EIF3H: variants seen among roughly 807,000 people sequenced by gnomAD.
The protein encoded by EIF3H is eukaryotic translation initiation factor 3 subunit H, also known as eIF-3-gamma.
EIF3H carries 26 observed loss-of-function variants against 44.2 expected under a neutral mutation model. That is an observed-to-expected ratio of 0.59 (90% CI 0.43 to 0.82). The LOEUF (loss-of-function observed/expected upper bound fraction) is 0.82. EIF3H is among the 40% of genes least tolerant of loss of function. The pLI is 0.00. For synonymous variants in EIF3H, 166 were observed against 151.9 expected, an observed-to-expected ratio of 1.09 and a Z score of -0.68; for missense variants, 359 against 432.8, an observed-to-expected ratio of 0.83 and a Z score of 1.51.
intron 2 of EIF3H, among the ~76,000 whole-genome samples, chr8:116,674,067 C>CAAAAAAAAAAAAAA (rs59899280): frequency 2.0e-5 from 1 of 49,660 alleles, no homozygotes; most frequent in African/African-American, 9.2e-5. Context: ...AAGACTGTCT[C>CAAAAAAAAAAAAAA]AAAAAAAAAA....
chr8:116,753,290 G>A (rs1247113486), intron 1 of EIF3H, among the ~76,000 whole-genome samples: 1 of 152,150 alleles, frequency 6.6e-6, no homozygotes, highest in African/African-American at 2.4e-5. Flanking sequence ...CCGTGAATAA[G>A]AGATAATTCA....
At chr8:116,709,872 T>G (rs572850640) in intron 2 of EIF3H, among the ~76,000 whole-genome samples, 45 of 152,208 alleles carry the variant, frequency 3.0e-4, no homozygotes, top group Non-Finnish European at 5.4e-4. Context: ...TTACTGTCAC[T>G]GGATTTACTG....
At chr8:116,693,334 G>T (rs1440812257) in intron 2 of EIF3H, among the ~76,000 whole-genome samples, 1 of 152,164 alleles carries the variant, frequency 6.6e-6, no homozygotes, top group Non-Finnish European at 1.5e-5. Context: ...AGCTCCTTAA[G>T]AGTGAGGAGT....
chr8:116,739,953 A>G (rs1815103549), intron 1 of EIF3H, among the ~76,000 whole-genome samples: 2 of 151,830 alleles, frequency 1.3e-5, no homozygotes, highest in African/African-American at 4.9e-5. Context: ...ACTTTAGTAA[A>G]ATACAATAAA....
intron 2 of EIF3H, among the ~76,000 whole-genome samples, chr8:116,665,991 C>T (rs545952157): frequency 6.6e-6 from 1 of 152,204 alleles, no homozygotes; most frequent in South Asian, 2.1e-4. Flanking sequence ...CCACATATTC[C>T]TCTCGTTTCA....
At chr8:116,740,780 C>T (rs1316919706) in intron 1 of EIF3H, among the ~76,000 whole-genome samples, 1 of 152,082 alleles carries the variant, frequency 6.6e-6, no homozygotes, top group African/African-American at 2.4e-5. Flanking sequence ...TCTACACAAA[C>T]AGAAAAATCC....
chr8:116,679,130 C>T (rs1360032978), intron 2 of EIF3H, among the ~76,000 whole-genome samples: 3 of 70,194 alleles, frequency 4.3e-5, no homozygotes, highest in Admixed American at 2.1e-4. Context: ...GGGGGTCAGC[C>T]CCCTGCCCGG....
At chr8:116,717,411 T>C (rs940596153) in intron 2 of EIF3H, among the ~76,000 whole-genome samples, 2 of 152,046 alleles carry the variant, frequency 1.3e-5, no homozygotes, top group African/African-American at 4.8e-5. Flanking sequence ...CTAAAATTCA[T>C]ATGGAACCAA....
intron 7 of EIF3H, among the ~76,000 whole-genome samples, chr8:116,645,916 G>C (rs550544221): frequency 6.6e-5 from 10 of 152,268 alleles, no homozygotes; most frequent in African/African-American, 2.4e-4. Flanking sequence ...ATTTCTATAA[G>C]ATTATAGCCA....
intron 5 of EIF3H, among the ~76,000 whole-genome samples, chr8:116,651,719 G>A (rs1813396892): frequency 6.6e-6 from 1 of 152,146 alleles, no homozygotes; most frequent in African/African-American, 2.4e-5. Context: ...ATTTGCTTCT[G>A]TTTTACCCTA....
intron 1 of EIF3H, among the ~76,000 whole-genome samples, chr8:116,754,090 CAGTACACAGGCCAGAT>C (rs1271780579): frequency 6.6e-6 from 1 of 151,898 alleles, no homozygotes. Context: ...GCCACAGTGC[CAGTACACAGGCCAGAT>C]AGTACTCCAT....
At chr8:116,663,930 CAAA>C (rs779193805) in intron 2 of EIF3H, among the ~76,000 whole-genome samples, 1 of 76,200 alleles carries the variant, frequency 1.3e-5, no homozygotes, top group African/African-American at 4.9e-5. Flanking sequence ...GACTCAGTCT[CAAA>C]AAAAAAAAAA....
chr8:116,761,939 A>G (rs757104820), intron 1 of EIF3H, among the ~76,000 whole-genome samples: 1 of 152,198 alleles, frequency 6.6e-6, no homozygotes, highest in Non-Finnish European at 1.5e-5. Flanking sequence ...AACTTTTCTC[A>G]ACAGGAGATA....
intron 2 of EIF3H, among the ~76,000 whole-genome samples, chr8:116,697,799 G>A (rs73324055): frequency 0.014 from 2,076 of 152,278 alleles, 52 homozygotes; most frequent in African/African-American, 0.046. Flanking sequence ...ACTGAATAAA[G>A]ATTGGTCTTG....
chr8:116,646,321 A>C, intron 7 of EIF3H, 150 bp downstream of exon 7: 1 of 1,139,344 alleles, frequency 8.8e-7, no homozygotes. Flanking sequence ...TAGATTTCAG[A>C]TATTACAGGT....
chr8:116,670,628 C>T (rs565263407), intron 2 of EIF3H, among the ~76,000 whole-genome samples: 62 of 152,246 alleles, frequency 4.1e-4, no homozygotes, highest in African/African-American at 1.5e-3. Context: ...TGACCAGAGA[C>T]TTCTACATTT....
intron 2 of EIF3H, among the ~76,000 whole-genome samples, chr8:116,705,746 A>G (rs1029099963): frequency 2.6e-5 from 4 of 152,120 alleles, no homozygotes; most frequent in African/African-American, 9.7e-5. Flanking sequence ...GGTATTCTAG[A>G]CTGGATCCTA....
intron 2 of EIF3H, among the ~76,000 whole-genome samples, chr8:116,687,600 T>G (rs965426665): frequency 1.3e-5 from 2 of 152,166 alleles, no homozygotes; most frequent in African/African-American, 4.8e-5. Context: ...TTATGAAGGG[T>G]CAGGAAACAT....
intron 1 of EIF3H, among the ~76,000 whole-genome samples, chr8:116,739,642 T>A (rs1468451578): frequency 6.6e-6 from 1 of 152,206 alleles, no homozygotes; most frequent in Non-Finnish European, 1.5e-5. Context: ...AGAGCGAGAC[T>A]CCGTCTCAGA....
Sources: allele counts gnomAD v4.1 joint callset (sites outside exome capture counted in the v4.1 genomes callset), GRCh38; gene constraint gnomAD v4.1.1; transcripts MANE v1.5; gene names NCBI Gene and HGNC (gene_info 2026-07-23, HGNC 2026-07-21).